Variants in PPHLN1 observed in about 807,000 individuals in gnomAD.
The protein encoded by PPHLN1 is periphilin-1.
In PPHLN1, 29 loss-of-function variants were observed where a neutral mutation model predicts 51.3. The ratio of observed to expected loss-of-function variants is 0.57; its 90% CI spans 0.42 to 0.77. The LOEUF is 0.77. Among genes scored for constraint, PPHLN1 ranks in the 30% least tolerant of loss-of-function variants. PPHLN1 has a pLI of 0.00. For synonymous variants in PPHLN1, 147 were observed against 147.8 expected (o/e 0.99, Z 0.04); for missense variants, 436 against 438.4 (o/e 0.99, Z 0.05).
intron 9 of PPHLN1, among the ~76,000 whole-genome samples, chr12:42,414,545 T>TA (rs1318765732): frequency 8.9e-5 from 12 of 135,030 alleles, no homozygotes; most frequent in Admixed American, 1.5e-4. Context: ...GCAGCTATTG[T>TA]AAAAGGATTG....
chr12:42,368,553 A>T (rs957005971), intron 4 of PPHLN1, among the ~76,000 whole-genome samples: 1 of 152,224 alleles, frequency 6.6e-6, no homozygotes, highest in Non-Finnish European at 1.5e-5. Context: ...ATATATAAGT[A>T]GATGAATTAA....
At chr12:42,341,634 A>T (rs116028857) in intron 2 of PPHLN1, among the ~76,000 whole-genome samples, 24,532 of 151,582 alleles carry the variant, frequency 0.16, 2,006 homozygotes, top group Admixed American at 0.2. Flanking sequence ...TATTATTATT[A>T]TTTTTTGAGG....
chr12:42,393,717 C>A, intron 8 of PPHLN1, 28 bp downstream of exon 8: 2 of 1,549,228 alleles, frequency 1.3e-6, no homozygotes, highest in Admixed American at 2.2e-5. Flanking sequence ...CTTTATGTTT[C>A]ACATCTGAAA....
intron 1 of PPHLN1, among the ~76,000 whole-genome samples, chr12:42,333,439 C>G (rs1050541726): frequency 6.6e-5 from 10 of 152,084 alleles, no homozygotes; most frequent in Non-Finnish European, 1.2e-4. Flanking sequence ...TCTTCCCAAT[C>G]TGTACCAATT....
chr12:42,330,117 C>T (rs141937764), intron 1 of PPHLN1, among the ~76,000 whole-genome samples: 284 of 152,336 alleles, frequency 1.9e-3, no homozygotes, highest in Non-Finnish European at 3.5e-3. Context: ...CAGATTTATG[C>T]TTCTCTCCAC....
intron 9 of PPHLN1, among the ~76,000 whole-genome samples, chr12:42,426,736 A>G (rs189076521): frequency 3.3e-5 from 5 of 152,258 alleles, no homozygotes; most frequent in African/African-American, 1.2e-4. Flanking sequence ...CCATTCTCCA[A>G]AAATTGTTCT....
At chr12:42,412,098 G>A (rs1452457280) in intron 9 of PPHLN1, among the ~76,000 whole-genome samples, 5 of 151,936 alleles carry the variant, frequency 3.3e-5, no homozygotes, top group African/African-American at 7.3e-5. Flanking sequence ...CCAGCTACTC[G>A]AGAGGCTGAG....
At chr12:42,426,252 G>A (rs1342194016) in intron 9 of PPHLN1, among the ~76,000 whole-genome samples, 1 of 143,638 alleles carries the variant, frequency 7.0e-6, no homozygotes, top group African/African-American at 2.7e-5. Flanking sequence ...TCTCATGGCA[G>A]TTAGGAATCA....
At chr12:42,411,918 A>AG (rs1451601806) in intron 9 of PPHLN1, among the ~76,000 whole-genome samples, 2 of 121,516 alleles carry the variant, frequency 1.6e-5, no homozygotes, top group East Asian at 5.2e-4. Context: ...AAAAAAAAAA[A>AG]AAAAAGGGCT....
At chr12:42,394,334 A>G (rs2078001751) in intron 8 of PPHLN1, among the ~76,000 whole-genome samples, 1 of 152,158 alleles carries the variant, frequency 6.6e-6, no homozygotes, top group African/African-American at 2.4e-5. Flanking sequence ...TCAGGATTTG[A>G]TACTATAGGA....
rs375776877 is a variant in PPHLN1 at position 42,441,438 on chromosome 12, T to C, written c.1033T>C (p.Cys345Arg). Residue 345 changes from cysteine (C) to arginine (R), a missense_variant, in exon 10 of 10, where the codon TGT becomes CGT. By Grantham distance (180) the Cys-to-Arg change is radical. Transcript: ENST00000358314. ...RQNLHEIGER[C>R]VEELKHFIAE... ...GAATTTACATGAAATAGGTGAGCGGTGTGTTGAAGAACTCAAGCATTTCAT... is the reference window on the plus strand; with the variant it reads ...GAATTTACATGAAATAGGTGAGCGGCGTGTTGAAGAACTCAAGCATTTCAT... 2.5e-6 allele frequency: 4 copies of C among 1,613,630 alleles called. No individual in the cohort carries two copies. In the African/African-American group the frequency reaches 5.3e-5, roughly 22 times the overall value.
At chr12:42,425,342 C>T (rs2081362188) in intron 9 of PPHLN1, among the ~76,000 whole-genome samples, 2 of 150,182 alleles carry the variant, frequency 1.3e-5, no homozygotes, top group South Asian at 2.1e-4. Flanking sequence ...CTGCCTGCCT[C>T]GGCCTCCCAG....
chr12:42,350,830 G>C (rs1467809571), intron 2 of PPHLN1, among the ~76,000 whole-genome samples: 1 of 152,046 alleles, frequency 6.6e-6, no homozygotes, highest in African/African-American at 2.4e-5. Context: ...CAGGCATGGC[G>C]GCGCGCGCCT....
chr12:42,367,021 T>G (rs1285920071), intron 4 of PPHLN1, among the ~76,000 whole-genome samples: 4 of 152,208 alleles, frequency 2.6e-5, no homozygotes, highest in Non-Finnish European at 4.4e-5. Context: ...TTTTTTAGGC[T>G]CAGTTTCACA....
At chr12:42,398,664 G>A in intron 8 of PPHLN1, 190 bp from the exon 9 acceptor site, 3 of 426,024 alleles carry the variant, frequency 7.0e-6, no homozygotes, top group Non-Finnish European at 4.0e-6. Context: ...AAAAAAAGTA[G>A]CAGTCATTTC....
chr12:42,441,791 A>C lies in PPHLN1; in HGVS notation c.*282A>C. ...TGCCTCAGCCTCTCAAAGTGTTGAG[A>C]TTACAGGCGTGAGCCACCGCTCCCT... On this transcript the variant is annotated 3_prime_UTR_variant, in exon 10 of 10. Transcript: ENST00000358314. 8.9e-7 allele frequency: 1 copy of C among 1,118,758 alleles called. No homozygotes were observed. Among genetic ancestry groups the C allele is most frequent in the Non-Finnish European group, 1.1e-6 (1 of 913,094 alleles). 69.3% of individuals were successfully genotyped at this position (1,118,758 alleles called of 1,614,324 possible).
chr12:42,387,586 G>T (rs764138164), intron 7 of PPHLN1, 51 bp downstream of exon 7: 2 of 1,599,724 alleles, frequency 1.3e-6, no homozygotes, highest in Non-Finnish European at 8.5e-7. Flanking sequence ...AATTGAGATG[G>T]ACTGACTAGT....
At chr12:42,448,319 C>CAATAA (rs906695714), downstream of PPHLN1, 26 of 151,206 alleles carry the variant, frequency 1.7e-4, no homozygotes, top group African/African-American at 5.8e-4. Context: ...TTGCCATCAG[C>CAATAA]ATTATTCTGG....
chr12:42,351,820 A>C (rs1224140689), intron 2 of PPHLN1, 65 bp from the exon 3 acceptor site: 1 of 1,406,568 alleles, frequency 7.1e-7, no homozygotes, highest in Non-Finnish European at 9.4e-7. Context: ...GTGCTTTTTA[A>C]AAACCTTTCC....
Sources: allele counts gnomAD v4.1 joint callset (sites outside exome capture counted in the v4.1 genomes callset), GRCh38; gene constraint gnomAD v4.1.1; transcripts MANE v1.5; gene names NCBI Gene and HGNC (gene_info 2026-07-23, HGNC 2026-07-21).